GSK3B: variants seen among roughly 807,000 people sequenced by gnomAD.
GSK3B encodes glycogen synthase kinase-3 beta.
Under a neutral mutation model 56.4 loss-of-function variants are expected in GSK3B, and 15 were observed. That is an observed-to-expected ratio of 0.27 (90% confidence interval 0.18 to 0.41). The LOEUF (loss-of-function observed/expected upper bound fraction) is 0.41, where lower values mean the gene tolerates loss of function less well. Ranked by LOEUF, GSK3B falls within the 10% of genes least tolerant of loss-of-function variation. GSK3B has a pLI of 1.00. For synonymous variants in GSK3B, 181 were observed against 188.9 expected (o/e 0.96, Z 0.34); for missense variants, 300 against 513.4 (o/e 0.58, Z 4.02).
chr3:119,833,089 T>C, intron 10 of GSK3B: 1 of 504,588 alleles, frequency 2.0e-6, no homozygotes, highest in Non-Finnish European at 2.6e-6. Context: ...AAACGCAGAA[T>C]TTCTTGCCTT....
At chr3:119,950,068 T>C (rs1027774230) in intron 2 of GSK3B, among the ~76,000 whole-genome samples, 4 of 151,886 alleles carry the variant, frequency 2.6e-5, no homozygotes, top group Non-Finnish European at 5.9e-5. Context: ...GAAAAAAAAT[T>C]CATGAAATGA....
chr3:119,849,776 CA>C (rs1218838781), intron 9 of GSK3B, among the ~76,000 whole-genome samples: 1 of 152,098 alleles, frequency 6.6e-6, no homozygotes, highest in African/African-American at 2.4e-5. Context: ...ATAGTATTTA[CA>C]GGTAACCTAC....
intron 2 of GSK3B, among the ~76,000 whole-genome samples, chr3:119,981,547 G>A (rs923050772): frequency 3.9e-5 from 6 of 152,234 alleles, no homozygotes; most frequent in East Asian, 3.9e-4. Context: ...ATTCTCTCCC[G>A]TGCCTGGCTC....
chr3:119,909,048 C>T (rs1410370451), intron 6 of GSK3B, among the ~76,000 whole-genome samples: 1 of 152,114 alleles, frequency 6.6e-6, no homozygotes, highest in African/African-American at 2.4e-5. Context: ...GAGGGGGGGT[C>T]TCATTCTGTC....
chr3:119,964,454 A>G (rs554218148), intron 2 of GSK3B, among the ~76,000 whole-genome samples: 2 of 152,356 alleles, frequency 1.3e-5, no homozygotes, highest in Middle Eastern at 3.4e-3. Flanking sequence ...AAATCTTACC[A>G]CTTGTGACAA....
At chr3:119,980,275 G>A (rs980646112) in intron 2 of GSK3B, among the ~76,000 whole-genome samples, 3 of 151,874 alleles carry the variant, frequency 2.0e-5, no homozygotes, top group African/African-American at 4.8e-5. Flanking sequence ...TACTTTTCTC[G>A]GCCAAATACT....
intron 9 of GSK3B, among the ~76,000 whole-genome samples, chr3:119,849,450 C>T (rs1026503276): frequency 5.3e-5 from 8 of 152,128 alleles, no homozygotes; most frequent in Non-Finnish European, 7.4e-5. Context: ...AAAAGAGGAC[C>T]GGAGTTTTTA....
At chr3:119,958,585 G>C (rs1187264545) in intron 2 of GSK3B, among the ~76,000 whole-genome samples, 2 of 152,028 alleles carry the variant, frequency 1.3e-5, no homozygotes, top group East Asian at 3.9e-4. Flanking sequence ...GACTGAGGTG[G>C]GAGGATCACT....
chr3:119,900,829 G>A, intron 7 of GSK3B, among the ~76,000 whole-genome samples: 1 of 151,938 alleles, frequency 6.6e-6, no homozygotes, highest in East Asian at 1.9e-4. Context: ...CAGTAAGATG[G>A]TATTTTTATT....
rs1237393595 is a variant in GSK3B at position 119,821,935 on chromosome 3, A to C, written c.*4853T>G. 5.5e-6 allele frequency: 1 copy of C among 180,912 alleles called. No homozygotes were observed. Among genetic ancestry groups the C allele is most frequent in the African/African-American group, 2.4e-5 (1 of 42,520 alleles). The allele number at this position is 180,912 out of a possible 1,614,324, so 11.2% of individuals were successfully genotyped here. On this transcript the variant is annotated 3_prime_UTR_variant, in exon 11 of 11. Coordinates refer to ENST00000264235, the MANE Select transcript of GSK3B (RefSeq NM_001146156.2). The stretch of plus-strand genomic sequence containing the variant: ...GGAAGAGGGTTGGGTACTGAAATAA[A>C]GACCACACACTTGTGAATTTTAATT...
chr3:119,971,893 G>A (rs916559723), intron 2 of GSK3B, among the ~76,000 whole-genome samples: 2 of 152,072 alleles, frequency 1.3e-5, no homozygotes, highest in Admixed American at 6.5e-5. Flanking sequence ...TTACAGGCGT[G>A]AGCCACCGCG....
At chr3:119,919,196 A>G (rs929250324) in intron 4 of GSK3B, among the ~76,000 whole-genome samples, 18 of 152,230 alleles carry the variant, frequency 1.2e-4, no homozygotes, top group Admixed American at 6.5e-4. Context: ...CAACTCTCCC[A>G]GAAAAAGTGA....
At chr3:119,926,462 C>A (rs547077429) in intron 3 of GSK3B, among the ~76,000 whole-genome samples, 1 of 152,106 alleles carries the variant, frequency 6.6e-6, no homozygotes. Flanking sequence ...ACTGGTAGAA[C>A]CCTCGTCCAA....
intron 3 of GSK3B, among the ~76,000 whole-genome samples, chr3:119,930,478 T>C (rs1015208248): frequency 6.6e-6 from 1 of 152,202 alleles, no homozygotes; most frequent in African/African-American, 2.4e-5. Context: ...TTATAACCTC[T>C]GATTTCAACA....
intron 7 of GSK3B, among the ~76,000 whole-genome samples, chr3:119,890,744 T>TAAAAAAAA (rs11356363): frequency 7.6e-6 from 1 of 130,840 alleles, no homozygotes; most frequent in Non-Finnish European, 1.7e-5. Context: ...ATTTAAAAAG[T>TAAAAAAAA]AAAAAAAAAA....
At chr3:120,065,662 G>A (rs2058271997) in intron 1 of GSK3B, among the ~76,000 whole-genome samples, 2 of 152,002 alleles carry the variant, frequency 1.3e-5, no homozygotes. Flanking sequence ...GTACACAAAT[G>A]TTCACAGCAA....
At chr3:119,987,518 A>G (rs1168092600) in intron 2 of GSK3B, among the ~76,000 whole-genome samples, 1 of 152,192 alleles carries the variant, frequency 6.6e-6, no homozygotes, top group African/African-American at 2.4e-5. Flanking sequence ...CGTTAATTAT[A>G]AAGGAAATTC....
chr3:120,008,269 T>C (rs1000941897), intron 1 of GSK3B, among the ~76,000 whole-genome samples: 7 of 152,188 alleles, frequency 4.6e-5, no homozygotes, highest in African/African-American at 1.4e-4. Context: ...TGCTCATGCA[T>C]AGGAAGAATC....
At chr3:119,931,391 G>A (rs1182072466) in intron 3 of GSK3B, among the ~76,000 whole-genome samples, 1 of 152,176 alleles carries the variant, frequency 6.6e-6, no homozygotes, top group African/African-American at 2.4e-5. Context: ...CGAAGTGGGT[G>A]GATCTCTTGA....
Sources: gnomAD v4.1 joint callset for allele counts (sites outside exome capture counted in the v4.1 genomes callset) on GRCh38, gnomAD v4.1.1 for gene constraint, MANE v1.5 for transcripts, NCBI Gene and HGNC (gene_info 2026-07-23, HGNC 2026-07-21) for gene names.